Variants in DDX27 observed in about 807,000 individuals in gnomAD.
The protein encoded by DDX27 is DEAD-box helicase 27.
DDX27 carries 42 observed loss-of-function variants against 99.3 expected under a neutral mutation model. The observed-to-expected ratio is 0.42, with a 90% CI of 0.33 to 0.55. The LOEUF (loss-of-function observed/expected upper bound fraction) is 0.55. Ranked by LOEUF, DDX27 falls within the 20% of genes least tolerant of loss-of-function variation. The probability of loss-of-function intolerance (pLI) is 0.07; values close to 1 mark genes in which losing one functional copy is unlikely to be tolerated. For missense variants in DDX27, 798 were observed against 976.8 expected (o/e 0.82, Z 2.44); for synonymous variants, 329 against 353.8 (o/e 0.93, Z 0.79).
intron 4 of DDX27, 75 bp from the exon 5 acceptor site, chr20:49,224,867 CACT>C (rs1979819763): frequency 1.3e-6 from 2 of 1,517,012 alleles, no homozygotes; most frequent in Admixed American, 3.5e-5. Flanking sequence ...GTGGCATTGG[CACT>C]TAGGACAGTG....
In DDX27 at chr20:49,237,019, A is replaced by C. The variant is rs536384775; in HGVS notation, c.1687+509A>C. On this transcript the variant is annotated intron_variant, in intron 14 of 20. Transcript: ENST00000618172. Reference sequence around the variant, plus strand: ...ATGAGCCACCATGCCCAGCCTTAAAAATTTTTAAAGTTATAAAAATAATAC... The same window carrying C: ...ATGAGCCACCATGCCCAGCCTTAAACATTTTTAAAGTTATAAAAATAATAC... Among the ~76,000 whole-genome samples the C allele has an allele frequency of 2.6e-5, 4 of 152,284 alleles. No individual in the cohort carries two copies. In the East Asian group the frequency reaches 7.7e-4, roughly 29 times the overall value.
In DDX27 at chr20:49,242,627, T is replaced by C; in HGVS notation, c.2150T>C (p.Phe717Ser). The change falls in exon 19 of 21, where the codon TTT becomes TCT. Residue 717 changes from phenylalanine (F) to serine (S), a missense_variant. By Grantham distance (155) the Phe-to-Ser change is radical. This residue lies in a region of DDX27 where 553 missense variants were observed against 727.9 expected (regional missense o/e 0.76). Coordinates refer to ENST00000618172, the MANE Select transcript of DDX27 (RefSeq NM_017895.8). ...KKQKQGKKSV[F>S]DEELTNTSKK... The stretch of plus-strand genomic sequence containing the variant: ...CAAAAGCAGGGGAAGAAATCTGTAT[T>C]TGATGAAGAACTCACCAACACAAGC... 1 of 1,614,162 alleles carries C rather than the reference T, an allele frequency of 6.2e-7. No homozygotes were observed. The highest frequency in any genetic ancestry group is 8.5e-7 in the Non-Finnish European group (1 of 1,180,034).
intron 9 of DDX27, among the ~76,000 whole-genome samples, chr20:49,231,711 C>G (rs1341538946): frequency 6.6e-6 from 1 of 152,144 alleles, no homozygotes; most frequent in African/African-American, 2.4e-5. Flanking sequence ...AAGTGACCAA[C>G]CTCACATCCA....
chr20:49,238,983 A>G lies in DDX27; in HGVS notation c.1722A>G (p.Lys574=). ...TCAAATTCCGGGACAAGATTGAGAA[A>G]ATGGAGAAAGATGTGTATGCAGTTC... ...VILKFRDKIE[K]MEKDVYAVLQ... Residue 574 remains lysine, a synonymous_variant, in exon 15 of 21, where the codon AAA becomes AAG. Transcript: ENST00000618172. 2 of 1,614,072 alleles carry G rather than the reference A, an allele frequency of 1.2e-6. No homozygotes were observed. The highest frequency in any genetic ancestry group is 1.7e-6 in the Non-Finnish European group (2 of 1,179,996).
At position 49,223,142 on chromosome 20, in the gene DDX27, T is replaced by C. The variant is rs1979752316; in HGVS notation, c.300+126T>C. 4 of 1,357,398 alleles carry C rather than the reference T, an allele frequency of 2.9e-6. No individual in the cohort carries two copies. The East Asian group carries it at 7.0e-5, about 24-fold the overall frequency. 84.1% of individuals were successfully genotyped at this position (1,357,398 alleles called of 1,614,324 possible). A position where few individuals can be genotyped will look rare whatever the true frequency, so the allele number is the denominator to read the frequency against. On this transcript the variant is annotated intron_variant, in intron 3 of 20. Coordinates refer to ENST00000618172, the MANE Select transcript of DDX27 (RefSeq NM_017895.8). ...TGGGGCAGGCGCACTCTTCTGTGTG[T>C]TTGCTGTGAATCTGTACTGAGAATC...
intron 11 of DDX27, chr20:49,233,910 C>G: frequency 1.7e-6 from 1 of 578,410 alleles, no homozygotes; most frequent in Non-Finnish European, 3.0e-6. Context: ...CTCACCAATC[C>G]TCTTTGTGTC....
intron 4 of DDX27, 66 bp from the exon 5 acceptor site, chr20:49,224,879 T>C (rs1230101792): frequency 3.2e-6 from 5 of 1,574,738 alleles, no homozygotes; most frequent in East Asian, 2.2e-5. Context: ...CTTAGGACAG[T>C]GTCCAGCAGG....
Position 49,225,143 on chromosome 20 carries a change from C to G in DDX27, c.544C>G (p.Gln182Glu). The change falls in exon 6 of 21, where the codon CAG (glutamine) becomes GAG (glutamate). Residue 182 changes from glutamine (Q) to glutamate (E), a missense_variant. By Grantham distance (29) the Gln-to-Glu change is conservative (BLOSUM62 2). Coordinates refer to ENST00000618172, the MANE Select transcript of DDX27 (RefSeq NM_017895.8). ...AGGAGGATTTTTTGAAGATGCATCT[C>G]AGTACGATGAAAACCTCTCGTTCCA... ...EAGGFFEDAS[Q>E]YDENLSFQDM... 4 of 1,614,060 alleles carry G rather than the reference C, an allele frequency of 2.5e-6. No individual in the cohort carries two copies. The highest frequency in any genetic ancestry group is 3.4e-6 in the Non-Finnish European group (4 of 1,179,948).
chr20:49,223,465 G>C, intron 4 of DDX27, 32 bp downstream of exon 4: 1 of 1,581,950 alleles, frequency 6.3e-7, no homozygotes, highest in Non-Finnish European at 8.6e-7. Context: ...TCAGTAATGG[G>C]GACAGGAGAT....
intron 4 of DDX27, among the ~76,000 whole-genome samples, chr20:49,224,234 A>T (rs1243540036): frequency 1.3e-5 from 2 of 152,040 alleles, no homozygotes; most frequent in Non-Finnish European, 1.5e-5. Flanking sequence ...GTTGTACTTC[A>T]TAGGTAGTTT....
In DDX27 at chr20:49,224,965, C is replaced by G. The variant is rs769067419; in HGVS notation, c.487C>G (p.Arg163Gly). 10 of 1,613,854 alleles carry G rather than the reference C, an allele frequency of 6.2e-6. No homozygotes were observed. Among genetic ancestry groups the G allele is most frequent in the Non-Finnish European group, 2.5e-6 (3 of 1,179,990 alleles). The change falls in exon 5 of 21, where the codon CGG (arginine) becomes GGG (glycine). Residue 163 changes from arginine to glycine, a missense_variant. By Grantham distance (125) the Arg-to-Gly change is moderately radical (BLOSUM62 -2). Coordinates refer to ENST00000618172, the MANE Select transcript of DDX27 (RefSeq NM_017895.8). Reference sequence around the variant, plus strand: ...CATAGATACACTCAAAGTAAAGGATCGGAAGAAGAAGAAGAAGAAAGGACA... The same window carrying G: ...CATAGATACACTCAAAGTAAAGGATGGGAAGAAGAAGAAGAAGAAAGGACA... ...TKADTLKVKD[R>G]KKKKKKGQEA... is the part of the protein sequence containing the mutation.
intron 8 of DDX27, 141 bp downstream of exon 8, chr20:49,229,029 AC>A: frequency 1.4e-4 from 77 of 535,040 alleles, no homozygotes; most frequent in Non-Finnish European, 1.9e-4. Flanking sequence ...AAACTGGAAG[AC>A]TTTTTTTTTT....
At chr20:49,229,138 C>T (rs924689951) in intron 8 of DDX27, among the ~76,000 whole-genome samples, 3 of 150,780 alleles carry the variant, frequency 2.0e-5, no homozygotes, top group Non-Finnish European at 2.9e-5. Context: ...CCCGGGTTCA[C>T]GCCATTCTCC....
At chr20:49,242,520 T>C in intron 18 of DDX27, 74 bp from the exon 19 acceptor site, 1 of 1,429,118 alleles carries the variant, frequency 7.0e-7, no homozygotes, top group Non-Finnish European at 9.8e-7. Flanking sequence ...CTTGGAATCA[T>C]TACCTTGAAC....
chr20:49,242,321 T>G, intron 18 of DDX27, 115 bp downstream of exon 18: 1 of 1,486,984 alleles, frequency 6.7e-7, no homozygotes. Context: ...TTTGAGTAAT[T>G]AGTATGTACC....
intron 7 of DDX27, among the ~76,000 whole-genome samples, chr20:49,226,924 G>A (rs1405316196): frequency 1.0e-4 from 14 of 133,452 alleles, no homozygotes; most frequent in Admixed American, 8.2e-5. Flanking sequence ...GTGCAGTGGC[G>A]GGATCTCGGC....
At position 49,243,615 on chromosome 20, in the gene DDX27, A is replaced by G. The variant is rs185895524; in HGVS notation, c.2205-14A>G. 2 of 1,613,846 alleles carry G rather than the reference A, an allele frequency of 1.2e-6. No homozygotes were observed. Among genetic ancestry groups the G allele is most frequent in the African/African-American group, 1.3e-5 (1 of 75,032 alleles). On this transcript the variant is annotated splice_polypyrimidine_tract_variant and intron_variant, in intron 19 of 20. Transcript: ENST00000618172. ...AACAGTTTGCTCATTTCAGCATGTC[A>G]TCTTCTCTCACAGCCCTTCCTTTGA...
At chr20:49,235,720 T>C (rs1980277576) in intron 12 of DDX27, 1 of 156,840 alleles carries the variant, frequency 6.4e-6, no homozygotes, top group Non-Finnish European at 1.4e-5. Context: ...AAATATCCCA[T>C]GTGCTCACAT....
intron 3 of DDX27, 29 bp from the exon 4 acceptor site, chr20:49,223,239 C>A: frequency 1.3e-6 from 2 of 1,594,014 alleles, no homozygotes; most frequent in South Asian, 1.1e-5. Context: ...AGAAGTTTCT[C>A]ATCACCCTCA....
Sources: gnomAD v4.1 joint callset for allele counts (sites outside exome capture counted in the v4.1 genomes callset) on GRCh38, gnomAD v4.1.1 for gene constraint, gnomAD v4.1.1 regional missense constraint, MANE v1.5 for transcripts, NCBI Gene and HGNC (gene_info 2026-07-23, HGNC 2026-07-21) for gene names.